GRIN2B: variants seen among roughly 807,000 people sequenced by gnomAD.
The protein encoded by GRIN2B is glutamate ionotropic receptor NMDA type subunit 2B, also known as glutamate receptor ionotropic, NMDA 2B.
GRIN2B carries 5 observed loss-of-function variants against 114.5 expected under a neutral mutation model. That is an observed-to-expected ratio of 0.04 (90% CI 0.02 to 0.09). The LOEUF is 0.09. Among genes scored for constraint, GRIN2B ranks in the 10% least tolerant of loss-of-function variants. The pLI, the probability that GRIN2B is intolerant of heterozygous loss-of-function variation, is 1.00. For missense variants in GRIN2B, 1,108 were observed against 1,943.5 expected (o/e 0.57, Z 8.08); for synonymous variants, 787 against 745.1 (o/e 1.06, Z -0.92).
intron 4 of GRIN2B, among the ~76,000 whole-genome samples, chr12:13,739,925 G>A (rs1251572750): frequency 6.6e-6 from 1 of 152,172 alleles, no homozygotes; most frequent in African/African-American, 2.4e-5. Flanking sequence ...CTTAGTGAGT[G>A]AGCCCACAAA....
At chr12:13,942,837 T>C (rs1332357338) in intron 2 of GRIN2B, among the ~76,000 whole-genome samples, 1 of 152,178 alleles carries the variant, frequency 6.6e-6, no homozygotes, top group Non-Finnish European at 1.5e-5. Flanking sequence ...CAGCACTATA[T>C]GGGAGAGACA....
At chr12:13,827,870 C>G (rs566603703) in intron 3 of GRIN2B, among the ~76,000 whole-genome samples, 2 of 152,272 alleles carry the variant, frequency 1.3e-5, no homozygotes, top group African/African-American at 4.8e-5. Context: ...TTAGTAGAAA[C>G]AAGGTTTCCC....
intron 10 of GRIN2B, among the ~76,000 whole-genome samples, chr12:13,580,202 G>T (rs1168174368): frequency 6.6e-6 from 1 of 152,200 alleles, no homozygotes; most frequent in Non-Finnish European, 1.5e-5. Context: ...GTCAGATCCG[G>T]TGAATAACAG....
intron 3 of GRIN2B, among the ~76,000 whole-genome samples, chr12:13,834,716 G>A (rs1865224124): frequency 6.6e-6 from 1 of 152,216 alleles, no homozygotes; most frequent in African/African-American, 2.4e-5. Flanking sequence ...TTTGTCCAAG[G>A]ATTTCAGAGA....
At chr12:13,772,638 T>G (rs989781346) in intron 3 of GRIN2B, among the ~76,000 whole-genome samples, 4 of 152,210 alleles carry the variant, frequency 2.6e-5, no homozygotes, top group Admixed American at 2.0e-4. Context: ...AAGCAGTATT[T>G]AAATCATGTC....
intron 3 of GRIN2B, among the ~76,000 whole-genome samples, chr12:13,852,771 T>C (rs1261500570): frequency 6.7e-6 from 1 of 148,570 alleles, no homozygotes; most frequent in African/African-American, 2.5e-5. Context: ...GAACCAGAAC[T>C]CAAAATGGCT....
At chr12:13,679,437 C>T (rs1389157408) in intron 4 of GRIN2B, among the ~76,000 whole-genome samples, 1 of 152,158 alleles carries the variant, frequency 6.6e-6, no homozygotes, top group Non-Finnish European at 1.5e-5. Flanking sequence ...GTTCCAGCGC[C>T]TTCTGATTTT....
rs558768881 is a variant in GRIN2B, at chr12:13,621,317, C to T, written c.1126-4660G>A. On this transcript the variant is annotated intron_variant, in intron 5 of 13. Transcript: ENST00000609686. The stretch of plus-strand genomic sequence containing the variant: ...CCTAGAAGTGCAGACAGCGGTAGAA[C>T]ATGAGGCTAACAGGAGATATTTCAG... Among the ~76,000 whole-genome samples the T allele has an allele frequency of 5.9e-5, 9 of 152,188 alleles. No homozygotes were observed. The East Asian group carries it at 1.5e-3, about 26-fold the overall frequency.
chr12:13,794,378 A>C (rs1162167701), intron 3 of GRIN2B, among the ~76,000 whole-genome samples: 1 of 152,206 alleles, frequency 6.6e-6, no homozygotes, highest in Non-Finnish European at 1.5e-5. Context: ...CTCCAGCAGC[A>C]GATCCATTTC....
rs141587587 is a variant in GRIN2B at position 13,937,029 on chromosome 12, C to T, written c.-19+42899G>A. ...TTATTTTTTTCACCTTGGCTGTCTG[C>T]CTAGAGACAATTTCCTGACTGCAGT... On this transcript the variant is annotated intron_variant, in intron 2 of 13. Transcript: ENST00000609686. Among the ~76,000 whole-genome samples, 1,036 of 146,120 alleles carry T rather than the reference C, an allele frequency of 7.1e-3. 15 individuals carry two copies. The highest frequency in any genetic ancestry group is 0.025 in the African/African-American group (972 of 39,320).
rs181524406 is a variant in GRIN2B at position 13,711,326 on chromosome 12, T to C, written c.1011-35467A>G. 3.2e-3 allele frequency among the ~76,000 whole-genome samples: 490 copies of C among 152,210 alleles called. 6 individuals are homozygous for C. The highest frequency in any genetic ancestry group is 0.011 in the African/African-American group (462 of 41,540). On this transcript the variant is annotated intron_variant, in intron 4 of 13. Transcript: ENST00000609686. ...TCAGGACATAGGCATGGGCAAGTAC[T>C]TCATGTCTAAAACACCAAAAGCAAT...
chr12:13,782,539 TAA>T (rs1565535276), intron 3 of GRIN2B, among the ~76,000 whole-genome samples: 317 of 152,320 alleles, frequency 2.1e-3, no homozygotes, highest in African/African-American at 7.2e-3. Context: ...GAAACTACAA[TAA>T]AATACAGAAA....
At chr12:13,825,497 TGTGTG>T (rs1344660203) in intron 3 of GRIN2B, among the ~76,000 whole-genome samples, 6 of 2,632 alleles carry the variant, frequency 2.3e-3, no homozygotes, top group East Asian at 0.083. Flanking sequence ...ATATATATTT[TGTGTG>T]TGTGTGTGTG....
chr12:13,968,348 C>T (rs574851781), intron 2 of GRIN2B, among the ~76,000 whole-genome samples: 7 of 152,186 alleles, frequency 4.6e-5, no homozygotes, highest in Non-Finnish European at 7.3e-5. Context: ...AGATTTTTTA[C>T]ATTTCCTCAT....
At chr12:13,834,232 T>C (rs1393618885) in intron 3 of GRIN2B, among the ~76,000 whole-genome samples, 1 of 141,260 alleles carries the variant, frequency 7.1e-6, no homozygotes, top group African/African-American at 2.6e-5. Context: ...AGAGATGGGG[T>C]TTCACCGTGT....
intron 10 of GRIN2B, among the ~76,000 whole-genome samples, chr12:13,584,077 G>T (rs1424701787): frequency 6.6e-6 from 1 of 152,156 alleles, no homozygotes; most frequent in Non-Finnish European, 1.5e-5. Flanking sequence ...ACATTCAGAA[G>T]AACGAAGGAG....
At chr12:13,928,302 CAAAA>C (rs745858482) in intron 2 of GRIN2B, among the ~76,000 whole-genome samples, 3 of 88,050 alleles carry the variant, frequency 3.4e-5, no homozygotes. Flanking sequence ...GACTTCATCT[CAAAA>C]AAAAAAAAAA....
chr12:13,707,180 C>T (rs1363500034), intron 4 of GRIN2B, among the ~76,000 whole-genome samples: 3 of 152,118 alleles, frequency 2.0e-5, no homozygotes, highest in Non-Finnish European at 2.9e-5. Flanking sequence ...TCAGCTCTTA[C>T]TCCATTAATG....
Position 13,543,080 on chromosome 12 carries a change from T to C in GRIN2B, c.*19703A>G, listed in dbSNP as rs1031209802. ...TTCTCGAATCACTCTCCCTCATTCC[T>C]GTCATAATTTACATTCCTATCATAT... On this transcript the variant is annotated 3_prime_UTR_variant, in exon 14 of 14. Transcript: ENST00000609686. 1 of 152,332 alleles carries C rather than the reference T, an allele frequency of 6.6e-6. No homozygotes were observed. The highest frequency in any genetic ancestry group is 2.4e-5 in the African/African-American group (1 of 41,566). The allele number at this position is 152,332 out of a possible 1,614,324, so 9.4% of individuals were successfully genotyped here. A position where few individuals can be genotyped will look rare whatever the true frequency, so the allele number is the denominator to read the frequency against.
Sources: allele counts gnomAD v4.1 joint callset (sites outside exome capture counted in the v4.1 genomes callset), GRCh38; gene constraint gnomAD v4.1.1; transcripts MANE v1.5; gene names NCBI Gene and HGNC (gene_info 2026-07-23, HGNC 2026-07-21).